Variants in RTP2 observed in about 807,000 individuals in gnomAD.
RTP2 encodes the protein receptor-transporting protein 2.
In RTP2, 12 loss-of-function variants were observed where a neutral mutation model predicts 17.9. The ratio of observed to expected loss-of-function variants is 0.67; its 90% CI spans 0.43 to 1.09. RTP2 has a LOEUF of 1.09. RTP2 is among the 50% of genes least tolerant of loss of function. RTP2 has a pLI of 0.00. For synonymous variants in RTP2, 126 were observed against 117.7 expected (o/e 1.07, Z -0.46); for missense variants, 327 against 295.7 (o/e 1.11, Z -0.78).
chr3:187,698,906 G>C (rs368190774), exon 2 of RTP2: 11 of 1,611,032 alleles, frequency 6.8e-6, no homozygotes, highest in Non-Finnish European at 9.3e-6. Flanking sequence ...GCTTGAAGAC[G>C]CGCATGCGCA....
intron 1 of RTP2, among the ~76,000 whole-genome samples, chr3:187,701,046 C>G (rs956374133): frequency 6.6e-6 from 1 of 152,202 alleles, no homozygotes; most frequent in African/African-American, 2.4e-5. Flanking sequence ...AACAACCCAG[C>G]CTTTGTGTCC....
upstream of RTP2, among the ~76,000 whole-genome samples, chr3:187,707,237 A>G (rs1718015311): frequency 6.6e-6 from 1 of 152,248 alleles, no homozygotes; most frequent in Admixed American, 6.5e-5. Context: ...CTCAAAAGTC[A>G]CAAGGCAACA....
chr3:187,713,119 AGG>A, the RTP2 span, among the ~76,000 whole-genome samples: 1 of 152,144 alleles, frequency 6.6e-6, no homozygotes, highest in Admixed American at 6.5e-5. Flanking sequence ...TCAGCACTGA[AGG>A]GGAGCAGGGA....
At chr3:187,715,557 C>A in the RTP2 span, 3 of 428,066 alleles carry the variant, frequency 7.0e-6, no homozygotes, top group South Asian at 3.3e-5. Flanking sequence ...CTTGGGGGAG[C>A]TGTGTCCTAG....
upstream of RTP2, among the ~76,000 whole-genome samples, chr3:187,706,187 G>A (rs970002586): frequency 1.3e-5 from 2 of 152,124 alleles, no homozygotes; most frequent in Non-Finnish European, 2.9e-5. Flanking sequence ...AAGGCAGGTA[G>A]GTTTTATAGT....
chr3:187,705,826 T>C (rs538207596), upstream of RTP2, among the ~76,000 whole-genome samples: 46 of 152,342 alleles, frequency 3.0e-4, no homozygotes, highest in African/African-American at 1.1e-3. Context: ...AAAGGACTAA[T>C]ACACTCATTA....
rs191461183 is a variant in RTP2, at chr3:187,698,969, A to G, written c.207T>C (p.His69=). The change falls in exon 2 of 2, where the codon CAT becomes CAC. Residue 69 remains histidine, a synonymous_variant. Coordinates refer to ENST00000358241, the Ensembl canonical transcript of RTP2. ...GGAACATGTGGAAGAGGATGACCACATGGGCAGACTGCCAGGTGTGCCAGC... is the reference window on the plus strand; with the variant it reads ...GGAACATGTGGAAGAGGATGACCACGTGGGCAGACTGCCAGGTGTGCCAGC... The G allele has an allele frequency of 2.5e-3, 4,037 of 1,598,598 alleles. 103 individuals are homozygous for G. In the African/African-American group the frequency reaches 0.041, roughly 16 times the overall value.
At chr3:187,713,172 C>T in the RTP2 span, among the ~76,000 whole-genome samples, 333 of 152,314 alleles carry the variant, frequency 2.2e-3, 4 homozygotes, top group South Asian at 0.028. Context: ...AGGCACCAGC[C>T]GTCCAGGGAC....
intron 1 of RTP2, among the ~76,000 whole-genome samples, chr3:187,699,992 C>A (rs912343438): frequency 6.6e-6 from 1 of 152,208 alleles, no homozygotes; most frequent in Non-Finnish European, 1.5e-5. Context: ...TGAGATGAGC[C>A]TCTTCCAGGC....
exon 1 of RTP2, chr3:187,702,068 C>T (rs199916114): frequency 1.9e-6 from 3 of 1,613,614 alleles, no homozygotes; most frequent in South Asian, 2.2e-5. Context: ...GCTGGCTTTG[C>T]CACCTCCATC....
At chr3:187,698,458 C>G (rs768748130) in exon 2 of RTP2, 34 of 1,542,934 alleles carry the variant, frequency 2.2e-5, no homozygotes, top group Non-Finnish European at 2.8e-5. Flanking sequence ...CCTCCCCACT[C>G]TCAAGCCCAT....
At chr3:187,705,186 G>C (rs1377399077), upstream of RTP2, among the ~76,000 whole-genome samples, 1 of 152,142 alleles carries the variant, frequency 6.6e-6, no homozygotes, top group Non-Finnish European at 1.5e-5. Context: ...AAAAAAGATA[G>C]GGGTTGAGTT....
chr3:187,707,507 GA>G (rs1262114719), upstream of RTP2, among the ~76,000 whole-genome samples: 3 of 152,138 alleles, frequency 2.0e-5, no homozygotes, highest in Non-Finnish European at 2.9e-5. Context: ...CTAAGGAGGG[GA>G]AAGCATGGGC....
upstream of RTP2, among the ~76,000 whole-genome samples, chr3:187,705,463 G>A (rs1174066784): frequency 6.6e-6 from 1 of 152,136 alleles, no homozygotes; most frequent in Non-Finnish European, 1.5e-5. Context: ...ACAAGGCTGG[G>A]GTCAATATCC....
intron 1 of RTP2, among the ~76,000 whole-genome samples, chr3:187,700,346 C>T (rs1717814114): frequency 6.6e-6 from 1 of 152,228 alleles, no homozygotes; most frequent in African/African-American, 2.4e-5. Context: ...GTGAGAGCTG[C>T]AGGGCATCTG....
chr3:187,699,239 T>C (rs1467929810), intron 1 of RTP2, among the ~76,000 whole-genome samples: 2 of 152,168 alleles, frequency 1.3e-5, no homozygotes, highest in Non-Finnish European at 2.9e-5. Flanking sequence ...CGGAGCCATC[T>C]GGCATCCAGC....
At chr3:187,710,123 T>C in the RTP2 span, among the ~76,000 whole-genome samples, 1 of 152,096 alleles carries the variant, frequency 6.6e-6, no homozygotes, top group Non-Finnish European at 1.5e-5. Flanking sequence ...AAAAAGACAA[T>C]GCAGGAAGGT....
chr3:187,702,048 C>A, exon 1 of RTP2: 1 of 1,613,764 alleles, frequency 6.2e-7, no homozygotes, highest in Non-Finnish European at 8.5e-7. Flanking sequence ...TGATGAGCTC[C>A]CAGCTGTCCG....
the RTP2 span, chr3:187,715,611 C>T: frequency 2.2e-6 from 1 of 455,872 alleles, no homozygotes; most frequent in South Asian, 1.6e-5. Context: ...GCTTCCTTTC[C>T]TTTATGATAG....
Sources: gnomAD v4.1 joint callset for allele counts (sites outside exome capture counted in the v4.1 genomes callset) on GRCh38, gnomAD v4.1.1 for gene constraint, MANE v1.5 for transcripts, NCBI Gene and HGNC (gene_info 2026-07-23, HGNC 2026-07-21) for gene names.